Variants in TOPAZ1 observed in about 807,000 individuals in gnomAD.
TOPAZ1 encodes protein TOPAZ1.
A neutral mutation model predicts 172.2 loss-of-function variants in TOPAZ1; 66 were observed. That is an observed-to-expected ratio of 0.38 (90% confidence interval 0.31 to 0.47). The LOEUF is 0.47. Ranked by LOEUF, TOPAZ1 falls within the 20% of genes least tolerant of loss-of-function variation. The probability of loss-of-function intolerance (pLI) is 0.99; values close to 1 mark genes in which losing one functional copy is unlikely to be tolerated. For missense variants in TOPAZ1, 1,822 were observed against 1,972.4 expected, an observed-to-expected ratio of 0.92 and a Z score of 1.44; for synonymous variants, 681 against 683.9, an observed-to-expected ratio of 1.00 and a Z score of 0.07.
At chr3:44,246,504 A>G (rs967149480) in intron 2 of TOPAZ1, among the ~76,000 whole-genome samples, 2 of 152,220 alleles carry the variant, frequency 1.3e-5, no homozygotes, top group African/African-American at 2.4e-5. Context: ...ACTTATCACC[A>G]AATATAATGC....
At chr3:44,263,135 C>T (rs1358584007) in intron 5 of TOPAZ1, among the ~76,000 whole-genome samples, 1 of 152,134 alleles carries the variant, frequency 6.6e-6, no homozygotes, top group Non-Finnish European at 1.5e-5. Context: ...TTAACAAGAC[C>T]ACCAGCTGAT....
chr3:44,256,102 A>T, intron 3 of TOPAZ1, 49 bp from the exon 4 acceptor site: 1 of 1,380,676 alleles, frequency 7.2e-7, no homozygotes, highest in South Asian at 1.5e-5. Context: ...TGAATAACTC[A>T]GTTATTTTGT....
chr3:44,282,535 T>A, intron 9 of TOPAZ1, among the ~76,000 whole-genome samples: 1 of 152,198 alleles, frequency 6.6e-6, no homozygotes, highest in East Asian at 1.9e-4. Context: ...GAAAGGCTAT[T>A]CGGCCTTCAG....
intron 18 of TOPAZ1, among the ~76,000 whole-genome samples, chr3:44,327,125 A>C (rs1700609033): frequency 6.6e-6 from 1 of 152,296 alleles, no homozygotes. Context: ...CTCGTCTATA[A>C]CATGGAAGTA....
At position 44,255,666 on chromosome 3, in the gene TOPAZ1, T is replaced by A. The variant is rs1467866700; in HGVS notation, c.2828-485T>A. ...GACTCTGTCTCAAAAAAAAAAAATA[T>A]ATATACACACACACACACACACACA... On this transcript the variant is annotated intron_variant, in intron 3 of 19. Coordinates refer to ENST00000309765, the MANE Select transcript of TOPAZ1 (RefSeq NM_001145030.2). 0.012 allele frequency among the ~76,000 whole-genome samples: 373 copies of A among 32,424 alleles called. 4 individuals are homozygous for A. In the Middle Eastern group the frequency reaches 0.12, roughly 10 times the overall value. 21.3% of individuals were successfully genotyped at this position (32,424 alleles called of 152,430 possible). A position where few individuals can be genotyped will look rare whatever the true frequency, so the allele number is the denominator to read the frequency against.
At chr3:44,294,974 T>C (rs553420623) in intron 12 of TOPAZ1, among the ~76,000 whole-genome samples, 2 of 152,344 alleles carry the variant, frequency 1.3e-5, no homozygotes, top group South Asian at 4.1e-4. Flanking sequence ...TTTAAAACTT[T>C]CACATTTAAA....
At chr3:44,299,665 C>T (rs552649528) in intron 12 of TOPAZ1, among the ~76,000 whole-genome samples, 52 of 151,598 alleles carry the variant, frequency 3.4e-4, no homozygotes, top group African/African-American at 1.0e-3. Context: ...ATGTTTATTG[C>T]GGCACTATTC....
At chr3:44,321,784 C>T (rs948955678) in intron 17 of TOPAZ1, among the ~76,000 whole-genome samples, 2 of 152,182 alleles carry the variant, frequency 1.3e-5, no homozygotes, top group African/African-American at 4.8e-5. Flanking sequence ...TTCCACTGTG[C>T]TCCTGTATTG....
rs1265006383 is a variant in TOPAZ1 at position 44,287,390 on chromosome 3, A to G, written c.3438A>G (p.Val1146=). 4 of 1,444,010 alleles carry G rather than the reference A, an allele frequency of 2.8e-6. No homozygotes were observed. In the East Asian group the frequency reaches 7.9e-5, roughly 29 times the overall value. The allele number at this position is 1,444,010 out of a possible 1,614,324, so 89.4% of individuals were successfully genotyped here. Residue 1146 remains valine (V), a splice_region_variant and synonymous_variant, in exon 10 of 20, where the codon GTA becomes GTG. Coordinates refer to ENST00000309765, the MANE Select transcript of TOPAZ1 (RefSeq NM_001145030.2). ...TAGTATATATATTTTCATTTTCAGT[A>G]AACATATTTATGGAGTACTACAGAA... ...INELCLLQRA[V]NIFMEYYRKF... is the part of the protein sequence containing the mutation.
intron 5 of TOPAZ1, among the ~76,000 whole-genome samples, chr3:44,263,328 CAT>C (rs1699795249): frequency 6.6e-6 from 1 of 152,244 alleles, no homozygotes; most frequent in East Asian, 1.9e-4. Context: ...TACAAACTAA[CAT>C]AGTGTAATTG....
At chr3:44,257,352 G>GGT (rs59827431) in intron 4 of TOPAZ1, among the ~76,000 whole-genome samples, 4,172 of 110,148 alleles carry the variant, frequency 0.038, 116 homozygotes, top group African/African-American at 0.044. Context: ...AAAACATAGG[G>GGT]GTGTGTGTGT....
At chr3:44,310,857 C>T (rs1481584822) in intron 16 of TOPAZ1, among the ~76,000 whole-genome samples, 1 of 152,168 alleles carries the variant, frequency 6.6e-6, no homozygotes, top group Non-Finnish European at 1.5e-5. Flanking sequence ...GGCAATTCTT[C>T]TAAGCAGAAA....
downstream of TOPAZ1, among the ~76,000 whole-genome samples, chr3:44,335,143 G>A (rs529011760): frequency 5.9e-5 from 9 of 152,206 alleles, no homozygotes; most frequent in South Asian, 6.2e-4. Context: ...TCATCATAAC[G>A]AAGAGAATTA....
At chr3:44,280,374 G>A (rs1381540153) in intron 8 of TOPAZ1, among the ~76,000 whole-genome samples, 5 of 146,118 alleles carry the variant, frequency 3.4e-5, no homozygotes, top group South Asian at 4.3e-4. Flanking sequence ...TTTTGAGACC[G>A]GGTCTTTCTC....
intron 3 of TOPAZ1, among the ~76,000 whole-genome samples, chr3:44,255,670 T>TATACACACACAC (rs1202865847): frequency 2.2e-5 from 1 of 46,380 alleles, no homozygotes; most frequent in African/African-American, 7.1e-5. Context: ...AAAATATATA[T>TATACACACACAC]ACACACACAC....
chr3:44,243,999 C>T lies in TOPAZ1; in HGVS notation c.1493C>T (p.Ser498Leu). 6.4e-7 allele frequency: 1 copy of T among 1,552,234 alleles called. No homozygotes were observed. The highest frequency in any genetic ancestry group is 1.2e-5 in the South Asian group (1 of 84,044). ...GGTAAAAGAACTTGGCCCTATTATT[C>T]ATGTGCTAGAATATCTGCCTGGTGT... ...MTGKRTWPYY[S>L]CARISAWCWK... Residue 498 changes from serine to leucine, a missense_variant, in exon 2 of 20, where the codon TCA (serine) becomes TTA (leucine). This residue lies in a region of TOPAZ1 where 1,489 missense variants were observed against 1,490.8 expected (regional missense o/e 1.00). Transcript: ENST00000309765.
At position 44,331,783 on chromosome 3, in the gene TOPAZ1, A is replaced by C. The variant is rs1700672793; in HGVS notation, c.4860-9A>C. 6.5e-7 allele frequency: 1 copy of C among 1,548,084 alleles called. No homozygotes were observed. The highest frequency in any genetic ancestry group is 2.4e-5 in the East Asian group (1 of 40,888). ...GAGTTTCTGACTTTATGAGGTGTTC[A>C]TTTTATAGGTGTGAAGACAACCAGT... is the stretch of plus-strand genomic sequence containing the variant. On this transcript the variant is annotated splice_polypyrimidine_tract_variant and intron_variant, in intron 19 of 19. Transcript: ENST00000309765.
intron 17 of TOPAZ1, among the ~76,000 whole-genome samples, chr3:44,322,846 A>G (rs1700556521): frequency 6.6e-6 from 1 of 152,214 alleles, no homozygotes; most frequent in Non-Finnish European, 1.5e-5. Context: ...TGAGCCCAGG[A>G]GGTGAAGGTT....
chr3:44,273,907 A>T (rs1490832357), intron 8 of TOPAZ1, among the ~76,000 whole-genome samples: 1 of 152,212 alleles, frequency 6.6e-6, no homozygotes, highest in East Asian at 1.9e-4. Context: ...TATATTCATG[A>T]GTGACTTACC....
Sources: gnomAD v4.1 joint callset for allele counts (sites outside exome capture counted in the v4.1 genomes callset) on GRCh38, gnomAD v4.1.1 for gene constraint, gnomAD v4.1.1 regional missense constraint, MANE v1.5 for transcripts, NCBI Gene and HGNC (gene_info 2026-07-23, HGNC 2026-07-21) for gene names.